ACTN1: variants seen among roughly 807,000 people sequenced by gnomAD.
The protein encoded by ACTN1 is alpha-actinin-1.
Under a neutral mutation model 119.6 loss-of-function variants are expected in ACTN1, and 30 were observed. That is an observed-to-expected ratio of 0.25 (90% confidence interval 0.19 to 0.34). The LOEUF is 0.34. Ranked by LOEUF, ACTN1 falls within the 10% of genes least tolerant of loss-of-function variation. ACTN1 has a pLI of 1.00. For synonymous variants in ACTN1, 429 were observed against 472.6 expected (o/e 0.91, Z 1.20); for missense variants, 764 against 1,223.4 (o/e 0.62, Z 5.60).
At chr14:68,967,201 C>T (rs1321107040) in intron 1 of ACTN1, among the ~76,000 whole-genome samples, 1 of 152,214 alleles carries the variant, frequency 6.6e-6, no homozygotes, top group South Asian at 2.1e-4. Context: ...AACTGGGCCT[C>T]TGCCCTGGTC....
At chr14:68,891,994 A>G in intron 10 of ACTN1, 59 bp downstream of exon 10, 1 of 1,587,026 alleles carries the variant, frequency 6.3e-7, no homozygotes, top group Admixed American at 1.7e-5. Flanking sequence ...CACAACTAGG[A>G]GCAGCTCAGA....
intron 1 of ACTN1, among the ~76,000 whole-genome samples, chr14:68,950,022 G>A (rs1051618376): frequency 3.3e-5 from 5 of 152,138 alleles, no homozygotes; most frequent in African/African-American, 9.7e-5. Flanking sequence ...GGGGCTGGGC[G>A]CTGCGGCTCA....
rs773372691 is a variant in ACTN1 at position 68,878,489 on chromosome 14, C to T, written c.2396G>A (p.Arg799His). ...GTAACCCATGGAGATCAGGCAGGCG[C>T]GGAAATCATCCGTGTCCATCATGCC... ...KTGMMDTDDF[R>H]ACLISMGYNM... Residue 799 changes from arginine (R) to histidine (H), a missense_variant, in exon 20 of 22, where the codon CGC becomes CAC. This residue lies in a region of ACTN1 where 544 missense variants were observed against 912.0 expected (regional missense o/e 0.60). Transcript: ENST00000394419. This position sits in a 1 kb window ranked among gnomAD's most constrained non-coding sequence, Gnocchi z 4.4. The T allele has an allele frequency of 2.7e-5, 42 of 1,580,568 alleles. No homozygotes were observed. The highest frequency in any genetic ancestry group is 6.7e-5 in the East Asian group (3 of 44,586).
chr14:68,950,998 C>T (rs748566781), intron 1 of ACTN1, among the ~76,000 whole-genome samples: 11 of 152,216 alleles, frequency 7.2e-5, no homozygotes, highest in Non-Finnish European at 1.6e-4. Flanking sequence ...GCCTGCCCTC[C>T]TTGCCACCAG....
chr14:68,915,681 C>G (rs2034251556), intron 3 of ACTN1, among the ~76,000 whole-genome samples: 2 of 152,230 alleles, frequency 1.3e-5, no homozygotes, highest in Admixed American at 6.5e-5. Flanking sequence ...GGACCTCAGT[C>G]TCTTCCAGGG....
intron 8 of ACTN1, among the ~76,000 whole-genome samples, chr14:68,894,301 G>T (rs180940198): frequency 2.0e-5 from 3 of 152,306 alleles, no homozygotes; most frequent in Admixed American, 6.5e-5. Context: ...GAAAACTGAC[G>T]GACATTCTAC....
chr14:68,904,532 A>T, intron 7 of ACTN1, 123 bp downstream of exon 7: 2 of 755,838 alleles, frequency 2.6e-6, no homozygotes, highest in Non-Finnish European at 4.5e-6. Context: ...TGCTCCTCAA[A>T]TGCGGTCCCA....
intron 1 of ACTN1, among the ~76,000 whole-genome samples, chr14:68,951,575 T>C (rs2036169877): frequency 6.6e-6 from 1 of 152,168 alleles, no homozygotes; most frequent in Admixed American, 6.5e-5. Flanking sequence ...TGCCCTTGAC[T>C]CCGTTTCCCC....
At chr14:68,951,076 C>A (rs1053424789) in intron 1 of ACTN1, among the ~76,000 whole-genome samples, 10 of 152,154 alleles carry the variant, frequency 6.6e-5, no homozygotes, top group African/African-American at 1.9e-4. Context: ...AACGGCAGGG[C>A]AGCTGGATAG....
At chr14:68,901,147 G>A (rs2033281577) in intron 8 of ACTN1, among the ~76,000 whole-genome samples, 2 of 151,894 alleles carry the variant, frequency 1.3e-5, no homozygotes, top group African/African-American at 2.4e-5. Flanking sequence ...AGGCAGGGAC[G>A]GCATAGGAGA....
Position 68,874,806 on chromosome 14 carries a change from G to A in ACTN1, c.*53C>T, listed in dbSNP as rs1304159668. On this transcript the variant is annotated 3_prime_UTR_variant, in exon 22 of 22. Transcript: ENST00000394419. ...CCCAGGCAGGAGATGGGCGACGGCG[G>A]AGGTGCAAGGCAGGGCACGGCGCAC... is the stretch of plus-strand genomic sequence containing the variant. The A allele has an allele frequency of 2.1e-6, 3 of 1,457,376 alleles. No individual in the cohort carries two copies. In the African/African-American group the frequency reaches 4.3e-5, roughly 21 times the overall value. 90.3% of individuals were successfully genotyped at this position (1,457,376 alleles called of 1,614,324 possible). A position where few individuals can be genotyped will look rare whatever the true frequency, so the allele number is the denominator to read the frequency against.
intron 1 of ACTN1, among the ~76,000 whole-genome samples, chr14:68,950,140 A>G (rs2140530903): frequency 6.6e-6 from 1 of 152,182 alleles, no homozygotes; most frequent in South Asian, 2.1e-4. Context: ...CTGAAAATAC[A>G]AAAACTAGCC....
In ACTN1 at chr14:68,878,762, G is replaced by A. The variant is rs2031185739; in HGVS notation, c.2361+227C>T. 1 of 1,546,764 alleles carries A rather than the reference G, an allele frequency of 6.5e-7. No individual in the cohort carries two copies. Among genetic ancestry groups the A allele is most frequent in the Admixed American group, 1.9e-5 (1 of 51,694 alleles). The stretch of plus-strand genomic sequence containing the variant: ...CAAAAATCCACCCATGGGATGAAGA[G>A]CAGCGAGGACGGAAGACAGCGGGCA... On this transcript the variant is annotated intron_variant, in intron 19 of 21. Coordinates refer to ENST00000394419, the MANE Select transcript of ACTN1 (RefSeq NM_001130004.2). The surrounding 1 kb of genome is among the most constrained non-coding windows in gnomAD (Gnocchi z 4.4).
At position 68,877,109 on chromosome 14, in the gene ACTN1, A is replaced by G. The variant is rs763019862; in HGVS notation, c.2559T>C (p.Ala853=). ...ADTDTADQVM[A]SFKILAGDKN... The stretch of plus-strand genomic sequence containing the variant: ...TGTCCCCAGCCAGGATCTTGAAGGA[A>G]GCCATGACTTGGTCTGCTGTATCTG... Residue 853 remains alanine, a synonymous_variant, in exon 21 of 22, where the codon GCT becomes GCC. Coordinates refer to ENST00000394419, the MANE Select transcript of ACTN1 (RefSeq NM_001130004.2). 1.9e-6 allele frequency: 3 copies of G among 1,614,084 alleles called. No homozygotes were observed. The highest frequency in any genetic ancestry group is 3.3e-5 in the Admixed American group (2 of 59,996).
intron 14 of ACTN1, chr14:68,883,436 T>C: frequency 5.2e-6 from 1 of 193,138 alleles, no homozygotes; most frequent in Non-Finnish European, 1.1e-5. Flanking sequence ...AGGAAGCTGC[T>C]AATTGATGTG....
At chr14:68,969,569 AAC>A (rs1211985239) in intron 1 of ACTN1, among the ~76,000 whole-genome samples, 1 of 152,190 alleles carries the variant, frequency 6.6e-6, no homozygotes, top group African/African-American at 2.4e-5. Context: ...GGCCAAAAAC[AAC>A]AGAGGGGCTT....
chr14:68,973,601 G>A (rs1364846188), intron 1 of ACTN1, among the ~76,000 whole-genome samples: 1 of 152,156 alleles, frequency 6.6e-6, no homozygotes, highest in Non-Finnish European at 1.5e-5. Context: ...CATGAGAATG[G>A]ACAAATACAG....
At chr14:68,940,677 T>TAAA (rs56676308) in intron 1 of ACTN1, among the ~76,000 whole-genome samples, 1,533 of 138,312 alleles carry the variant, frequency 0.011, 10 homozygotes, top group Non-Finnish European at 0.016. Flanking sequence ...TGTCTCTACT[T>TAAA]AAAAAAAAAA....
chr14:68,977,801 C>CCCT (rs1555361553), intron 1 of ACTN1: 28 of 227,674 alleles, frequency 1.2e-4, no homozygotes, highest in South Asian at 5.4e-4. Context: ...GCCATCCTGT[C>CCCT]CCCCCCCCAC....
Sources: gnomAD v4.1 joint callset for allele counts (sites outside exome capture counted in the v4.1 genomes callset) on GRCh38, gnomAD v4.1.1 for gene constraint, gnomAD v4.1.1 regional missense constraint, Gnocchi (gnomAD v3.1) non-coding constraint, MANE v1.5 for transcripts, NCBI Gene and HGNC (gene_info 2026-07-23, HGNC 2026-07-21) for gene names.